CNTN4: variants seen among roughly 807,000 people sequenced by gnomAD.
CNTN4 encodes the protein contactin 4, also known as contactin-4.
In CNTN4, 77 loss-of-function variants were observed where a neutral mutation model predicts 122.5. That is an observed-to-expected ratio of 0.63 (90% confidence interval 0.52 to 0.76). The LOEUF is 0.76. CNTN4 is among the 30% of genes least tolerant of loss of function. The pLI, the probability that CNTN4 is intolerant of heterozygous loss-of-function variation, is 0.00. For synonymous variants in CNTN4, 512 were observed against 447.0 expected (o/e 1.15, Z -1.83); for missense variants, 1,256 against 1,259.1 (o/e 1.00, Z 0.04).
intron 13 of CNTN4, among the ~76,000 whole-genome samples, chr3:2,957,097 T>C (rs899219585): frequency 2.6e-5 from 4 of 152,210 alleles, no homozygotes; most frequent in Non-Finnish European, 4.4e-5. Context: ...CTGATGAATA[T>C]GGGAGTGCAG....
At chr3:2,279,775 A>C (rs1174017216) in intron 2 of CNTN4, among the ~76,000 whole-genome samples, 1 of 151,628 alleles carries the variant, frequency 6.6e-6, no homozygotes, top group African/African-American at 2.4e-5. Context: ...TTATATCTAC[A>C]TATATCTATA....
chr3:2,311,620 A>G (rs1395480251), intron 2 of CNTN4, among the ~76,000 whole-genome samples: 1 of 152,122 alleles, frequency 6.6e-6, no homozygotes, highest in Non-Finnish European at 1.5e-5. Flanking sequence ...TTGGTCACTC[A>G]GCAGGAATAG....
intron 3 of CNTN4, among the ~76,000 whole-genome samples, chr3:2,363,043 A>G (rs2045224490): frequency 6.6e-6 from 1 of 152,132 alleles, no homozygotes; most frequent in African/African-American, 2.4e-5. Context: ...GGAGGATCTT[A>G]TGATCCATTA....
At chr3:2,776,285 T>C (rs1307355421) in intron 6 of CNTN4, among the ~76,000 whole-genome samples, 1 of 148,624 alleles carries the variant, frequency 6.7e-6, no homozygotes, top group Non-Finnish European at 1.5e-5. Flanking sequence ...TTTTTTTTTT[T>C]TTTTTTTTGG....
At chr3:2,118,199 T>G (rs1181211990) in intron 2 of CNTN4, among the ~76,000 whole-genome samples, 1 of 152,180 alleles carries the variant, frequency 6.6e-6, no homozygotes, top group African/African-American at 2.4e-5. Flanking sequence ...ATGAGAAAAC[T>G]GAGAATCAGA....
intron 4 of CNTN4, among the ~76,000 whole-genome samples, chr3:2,721,984 T>C (rs372423077): frequency 3.3e-5 from 5 of 152,204 alleles, no homozygotes; most frequent in South Asian, 2.1e-4. Context: ...GTGCCCTCTA[T>C]GAACCAGAAA....
At chr3:2,715,041 C>G (rs1481991224) in intron 4 of CNTN4, among the ~76,000 whole-genome samples, 1 of 152,204 alleles carries the variant, frequency 6.6e-6, no homozygotes, top group African/African-American at 2.4e-5. Flanking sequence ...CAGCTTTCTA[C>G]ATATATCGTG....
chr3:3,015,286 A>G (rs17024713), intron 14 of CNTN4, among the ~76,000 whole-genome samples: 1,652 of 152,136 alleles, frequency 0.011, 28 homozygotes, highest in African/African-American at 0.037. Context: ...GTTTCAGGAA[A>G]AAGTTCACTT....
intron 10 of CNTN4, among the ~76,000 whole-genome samples, chr3:2,896,221 CT>C (rs1323823846): frequency 2.0e-5 from 3 of 152,068 alleles, no homozygotes; most frequent in South Asian, 2.1e-4. Flanking sequence ...TCTCAAGGTA[CT>C]TTTTTTAGCA....
In CNTN4 at chr3:3,003,714, A is replaced by C. The variant is rs937090163; in HGVS notation, c.1486+15242A>C. Reference sequence around the variant, plus strand: ...AAAAAAAAAAAAAAAAAAAAAAAAAACAAAAAAACCCCACTGAATTGTATA... The same window carrying C: ...AAAAAAAAAAAAAAAAAAAAAAAAACCAAAAAAACCCCACTGAATTGTATA... On this transcript the variant is annotated intron_variant, in intron 14 of 24. Transcript: ENST00000418658. Among the ~76,000 whole-genome samples the C allele has an allele frequency of 6.4e-3, 709 of 110,350 alleles. 1 individual carries two copies. The highest frequency in any genetic ancestry group is 0.011 in the Non-Finnish European group (526 of 48,286). 72.4% of individuals were successfully genotyped at this position (110,350 alleles called of 152,430 possible).
intron 3 of CNTN4, among the ~76,000 whole-genome samples, chr3:2,430,984 TAAATG>T (rs1262085375): frequency 2.6e-5 from 4 of 152,118 alleles, no homozygotes; most frequent in Non-Finnish European, 4.4e-5. Flanking sequence ...TCTTGTGAAA[TAAATG>T]GAGCATTGCA....
chr3:2,377,134 G>A (rs1013048478), intron 3 of CNTN4, among the ~76,000 whole-genome samples: 4 of 145,238 alleles, frequency 2.8e-5, no homozygotes, highest in Non-Finnish European at 6.0e-5. Context: ...GCAGCCTGGC[G>A]ATAGAGCGAG....
intron 3 of CNTN4, among the ~76,000 whole-genome samples, chr3:2,474,988 A>G (rs1398112250): frequency 6.6e-6 from 1 of 152,210 alleles, no homozygotes; most frequent in South Asian, 2.1e-4. Context: ...ATAGCAATGC[A>G]TTCAATATTT....
At chr3:2,296,616 A>C (rs1411773658) in intron 2 of CNTN4, among the ~76,000 whole-genome samples, 1 of 152,142 alleles carries the variant, frequency 6.6e-6, no homozygotes, top group Non-Finnish European at 1.5e-5. Flanking sequence ...CGTAGATACA[A>C]ATGTTACCAA....
intron 4 of CNTN4, among the ~76,000 whole-genome samples, chr3:2,630,698 G>C (rs1405246057): frequency 1.1e-5 from 1 of 91,510 alleles, no homozygotes. Flanking sequence ...TGTTTATTAA[G>C]GGAGTGTGTG....
intron 13 of CNTN4, among the ~76,000 whole-genome samples, chr3:2,980,516 C>T (rs753480967): frequency 1.3e-5 from 2 of 152,134 alleles, no homozygotes; most frequent in Non-Finnish European, 2.9e-5. Flanking sequence ...ATTGAGGAAA[C>T]CAAGATGAGA....
intron 2 of CNTN4, among the ~76,000 whole-genome samples, chr3:2,295,959 A>G (rs79771890): frequency 0.31 from 47,685 of 151,868 alleles, 7,993 homozygotes; most frequent in East Asian, 0.58. Context: ...TCTTGTTTTT[A>G]TCAGGTTTGT....
At chr3:2,613,457 G>T (rs2081583521) in intron 4 of CNTN4, among the ~76,000 whole-genome samples, 1 of 152,014 alleles carries the variant, frequency 6.6e-6, no homozygotes, top group African/African-American at 2.4e-5. Flanking sequence ...AAAAAGAAAA[G>T]AGATTAAATA....
At chr3:2,600,405 G>A (rs2080986574) in intron 4 of CNTN4, among the ~76,000 whole-genome samples, 3 of 152,008 alleles carry the variant, frequency 2.0e-5, no homozygotes, top group African/African-American at 7.2e-5. Context: ...CTGTGTCCAA[G>A]TGTTCTCATT....
Sources: allele counts gnomAD v4.1 joint callset (sites outside exome capture counted in the v4.1 genomes callset), GRCh38; gene constraint gnomAD v4.1.1; transcripts MANE v1.5; gene names NCBI Gene and HGNC (gene_info 2026-07-23, HGNC 2026-07-21).